The following EPHA5 variants were observed in gnomAD, a reference collection of about 807,000 sequenced individuals.
EPHA5 encodes ephrin type-A receptor 5.
A neutral mutation model predicts 105.0 loss-of-function variants in EPHA5; 60 were observed. That is an observed-to-expected ratio of 0.57 (90% confidence interval 0.46 to 0.71). EPHA5 has a LOEUF of 0.71. EPHA5 is among the 30% of genes least tolerant of loss of function. The pLI is 0.00. For missense variants in EPHA5, 1,218 were observed against 1,274.7 expected, an observed-to-expected ratio of 0.96 and a Z score of 0.68; for synonymous variants, 513 against 449.1, an observed-to-expected ratio of 1.14 and a Z score of -1.80.
At chr4:65,615,400 A>T (rs576352075) in intron 2 of EPHA5, among the ~76,000 whole-genome samples, 2 of 152,046 alleles carry the variant, frequency 1.3e-5, no homozygotes, top group East Asian at 3.9e-4. Context: ...AAGCAGCAAG[A>T]GGAAATCAAC....
chr4:65,349,819 G>A (rs1013348021), intron 13 of EPHA5, among the ~76,000 whole-genome samples: 1 of 152,054 alleles, frequency 6.6e-6, no homozygotes, highest in Non-Finnish European at 1.5e-5. Flanking sequence ...ATTCTATAAT[G>A]TCTTATTAAT....
intron 4 of EPHA5, among the ~76,000 whole-genome samples, chr4:65,492,786 A>G (rs995811013): frequency 2.6e-5 from 4 of 152,076 alleles, no homozygotes; most frequent in African/African-American, 7.2e-5. Flanking sequence ...ATGATTTATA[A>G]TCCTTTGGGT....
rs1468128449 is a variant in EPHA5, at chr4:65,323,008, T to A, written c.*1106A>T. 4.4e-6 allele frequency: 1 copy of A among 229,258 alleles called. No homozygotes were observed. The highest frequency in any genetic ancestry group is 8.7e-6 in the Non-Finnish European group (1 of 115,546). The allele number at this position is 229,258 out of a possible 1,614,324, so 14.2% of individuals were successfully genotyped here. ...ACAGAAGCCTGCACAGTTAAATCCT[T>A]CTACATCCTGCTGAAAATGTGCCCT... On this transcript the variant is annotated 3_prime_UTR_variant, in exon 17 of 17. Transcript: ENST00000613740.
At chr4:65,597,730 C>G (rs1304627613) in intron 3 of EPHA5, among the ~76,000 whole-genome samples, 1 of 152,086 alleles carries the variant, frequency 6.6e-6, no homozygotes, top group East Asian at 1.9e-4. Context: ...GTTACCTCGT[C>G]AAAACCAGAT....
At chr4:65,666,098 C>T (rs1242499092) in intron 1 of EPHA5, among the ~76,000 whole-genome samples, 2 of 151,638 alleles carry the variant, frequency 1.3e-5, no homozygotes, top group Non-Finnish European at 2.9e-5. Context: ...CTAAAACAAA[C>T]TTTTTTTTTC....
intron 13 of EPHA5, among the ~76,000 whole-genome samples, chr4:65,350,187 A>T (rs1370588317): frequency 1.3e-5 from 2 of 152,118 alleles, no homozygotes; most frequent in Admixed American, 1.3e-4. Flanking sequence ...TTCCCAAAAG[A>T]ATTCTTAATT....
chr4:65,637,552 C>A, intron 2 of EPHA5, among the ~76,000 whole-genome samples: 1 of 125,268 alleles, frequency 8.0e-6, no homozygotes, highest in Admixed American at 8.9e-5. Flanking sequence ...CATATATATA[C>A]ACAAATATGA....
chr4:65,388,186 A>T (rs1398431087), intron 8 of EPHA5, among the ~76,000 whole-genome samples: 2 of 148,710 alleles, frequency 1.3e-5, no homozygotes, highest in East Asian at 4.0e-4. Flanking sequence ...CATGGTGTAT[A>T]TGTGCCACAT....
At chr4:65,413,784 G>A (rs925342213) in intron 7 of EPHA5, among the ~76,000 whole-genome samples, 1 of 152,096 alleles carries the variant, frequency 6.6e-6, no homozygotes, top group African/African-American at 2.4e-5. Context: ...CAAAAAGGGT[G>A]CTCCAAAAAA....
intron 6 of EPHA5, among the ~76,000 whole-genome samples, chr4:65,416,428 G>T (rs1210269946): frequency 6.6e-6 from 1 of 152,048 alleles, no homozygotes; most frequent in Admixed American, 6.6e-5. Context: ...CTACAAAATA[G>T]GTTCTATGTA....
At chr4:65,424,325 T>C (rs1432393371) in intron 5 of EPHA5, among the ~76,000 whole-genome samples, 1 of 152,118 alleles carries the variant, frequency 6.6e-6, no homozygotes, top group Admixed American at 6.5e-5. Flanking sequence ...TGTTCCAAGA[T>C]GGAAAGGCCT....
chr4:65,468,388 G>A (rs951417374), intron 5 of EPHA5, among the ~76,000 whole-genome samples: 1 of 150,302 alleles, frequency 6.7e-6, no homozygotes, highest in Non-Finnish European at 1.5e-5. Context: ...GCAGAACTTT[G>A]AGTAATAGAA....
chr4:65,512,672 C>G (rs769072407), intron 3 of EPHA5, among the ~76,000 whole-genome samples: 1 of 152,058 alleles, frequency 6.6e-6, no homozygotes, highest in Non-Finnish European at 1.5e-5. Flanking sequence ...ATAGGGCTTC[C>G]TGTAAAACTT....
chr4:65,607,699 T>C (rs1744370481), intron 2 of EPHA5, among the ~76,000 whole-genome samples: 1 of 152,100 alleles, frequency 6.6e-6, no homozygotes, highest in Non-Finnish European at 1.5e-5. Flanking sequence ...CTGGAGAGGG[T>C]GTGGAGAAAT....
chr4:65,532,730 T>A (rs1735936328), intron 3 of EPHA5, among the ~76,000 whole-genome samples: 1 of 148,876 alleles, frequency 6.7e-6, no homozygotes, highest in African/African-American at 2.5e-5. Flanking sequence ...CTCTGTCTAA[T>A]AAATCTTCTA....
chr4:65,364,604 C>G (rs1273832010), intron 11 of EPHA5, among the ~76,000 whole-genome samples: 1 of 151,254 alleles, frequency 6.6e-6, no homozygotes, highest in Non-Finnish European at 1.5e-5. Flanking sequence ...ATGAACCTGG[C>G]CATAAAGAAC....
At chr4:65,505,185 A>G (rs1333371125) in intron 3 of EPHA5, among the ~76,000 whole-genome samples, 1 of 152,054 alleles carries the variant, frequency 6.6e-6, no homozygotes, top group Non-Finnish European at 1.5e-5. Flanking sequence ...ACACACTAAA[A>G]GACTAGGAAA....
chr4:65,546,959 C>T (rs950932299), intron 3 of EPHA5, among the ~76,000 whole-genome samples: 2 of 152,020 alleles, frequency 1.3e-5, no homozygotes, highest in Admixed American at 1.3e-4. Context: ...TCAACCTCTT[C>T]CCTAACAGAA....
intron 3 of EPHA5, among the ~76,000 whole-genome samples, chr4:65,506,752 A>C (rs1301171352): frequency 6.6e-6 from 1 of 151,774 alleles, no homozygotes; most frequent in Non-Finnish European, 1.5e-5. Flanking sequence ...GTTTGAGTTC[A>C]TTGTCGATTC....
Sources: allele counts gnomAD v4.1 joint callset (sites outside exome capture counted in the v4.1 genomes callset), GRCh38; gene constraint gnomAD v4.1.1; transcripts MANE v1.5; gene names NCBI Gene and HGNC (gene_info 2026-07-23, HGNC 2026-07-21).